Variants in SOX5 observed in about 807,000 individuals in gnomAD.
The protein encoded by SOX5 is transcription factor SOX-5.
A neutral mutation model predicts 92.0 loss-of-function variants in SOX5; 9 were observed. The observed-to-expected ratio is 0.10, with a 90% CI of 0.06 to 0.17. SOX5 has a LOEUF of 0.17. Among genes scored for constraint, SOX5 ranks in the 10% least tolerant of loss-of-function variants. The pLI is 1.00. For missense variants in SOX5, 642 were observed against 944.5 expected, an observed-to-expected ratio of 0.68 and a Z score of 4.20; for synonymous variants, 344 against 336.3, an observed-to-expected ratio of 1.02 and a Z score of -0.25.
intron 2 of SOX5, among the ~76,000 whole-genome samples, chr12:24,319,086 GGT>G (rs1180744852): frequency 6.6e-6 from 1 of 152,176 alleles, no homozygotes; most frequent in African/African-American, 2.4e-5. Context: ...CTGAGGAAGA[GGT>G]GCTCTTCTTC....
chr12:23,652,989 G>A (rs1011092412), intron 7 of SOX5, among the ~76,000 whole-genome samples: 2 of 137,916 alleles, frequency 1.5e-5, no homozygotes, highest in Non-Finnish European at 3.2e-5. Context: ...TATATGGATG[G>A]ATGAATGAAT....
intron 2 of SOX5, among the ~76,000 whole-genome samples, chr12:24,360,637 A>G (rs1031490420): frequency 1.5e-4 from 23 of 152,168 alleles, no homozygotes; most frequent in African/African-American, 5.6e-4. Flanking sequence ...TTCATTTTAC[A>G]TATTGAAAGT....
chr12:23,741,097 ATGAAAATGGCTC>A lies in SOX5; in HGVS notation c.569-70_569-59del, dbSNP rs893085814. 1,511 of 1,363,330 alleles carry A rather than the reference ATGAAAATGGCTC, an allele frequency of 1.1e-3. 4 individuals are homozygous for A. Among genetic ancestry groups the A allele is most frequent in the Non-Finnish European group, 1.4e-3 (1,448 of 1,011,132 alleles). 84.5% of individuals were successfully genotyped at this position (1,363,330 alleles called of 1,614,324 possible). ...TAAATGAAAAAAAGTAATTATTTCAATGAAAATGGCTCTGTTGTATACAGAGCCAGTCCAAAT... is the reference window on the plus strand; with the variant it reads ...TAAATGAAAAAAAGTAATTATTTCAATGTTGTATACAGAGCCAGTCCAAAT... On this transcript the variant is annotated intron_variant, in intron 4 of 14. Coordinates refer to ENST00000451604, the MANE Select transcript of SOX5 (RefSeq NM_006940.6).
At chr12:24,068,831 G>T (rs11047245) in intron 4 of SOX5, among the ~76,000 whole-genome samples, 6,542 of 147,910 alleles carry the variant, frequency 0.044, 154 homozygotes, top group East Asian at 0.078. Flanking sequence ...CAAAAAAGAT[G>T]CAGAAGGGCT....
intron 1 of SOX5, among the ~76,000 whole-genome samples, chr12:24,515,199 G>C (rs1949672253): frequency 6.6e-6 from 1 of 152,132 alleles, no homozygotes; most frequent in Non-Finnish European, 1.5e-5. Flanking sequence ...AGACTGCCTG[G>C]GTTCAAATCT....
At chr12:24,058,792 A>C (rs1939092855) in intron 4 of SOX5, among the ~76,000 whole-genome samples, 1 of 135,324 alleles carries the variant, frequency 7.4e-6, no homozygotes, top group African/African-American at 2.6e-5. Flanking sequence ...CCTGTTAGTA[A>C]GTATATAAAT....
chr12:23,955,609 A>C (rs1291532454), upstream of SOX5, among the ~76,000 whole-genome samples: 1 of 152,156 alleles, frequency 6.6e-6, no homozygotes, highest in Non-Finnish European at 1.5e-5. Context: ...ATGCTTTTCA[A>C]TTTATTTTTT....
intron 4 of SOX5, among the ~76,000 whole-genome samples, chr12:24,160,334 C>T (rs1419021335): frequency 5.3e-5 from 8 of 151,830 alleles, no homozygotes; most frequent in Non-Finnish European, 8.8e-5. Context: ...TCATATTTGC[C>T]GAGCTCCAAG....
chr12:23,661,390 G>A (rs1310594998), intron 7 of SOX5, among the ~76,000 whole-genome samples: 1 of 152,174 alleles, frequency 6.6e-6, no homozygotes, highest in African/African-American at 2.4e-5. Flanking sequence ...AAGAAGCCAT[G>A]TGCTGCAGGA....
intron 7 of SOX5, among the ~76,000 whole-genome samples, chr12:23,660,560 G>A (rs913908996): frequency 1.3e-5 from 2 of 152,088 alleles, no homozygotes; most frequent in African/African-American, 4.8e-5. Flanking sequence ...AAATCATATT[G>A]ACAAAGGAAT....
At chr12:23,637,795 C>T (rs1190612772) in intron 8 of SOX5, among the ~76,000 whole-genome samples, 1 of 152,150 alleles carries the variant, frequency 6.6e-6, no homozygotes, top group Non-Finnish European at 1.5e-5. Flanking sequence ...GGACAGTGTA[C>T]AGCTTGGTGG....
chr12:23,924,167 T>C (rs980428081), intron 1 of SOX5, among the ~76,000 whole-genome samples: 4 of 152,222 alleles, frequency 2.6e-5, no homozygotes, highest in African/African-American at 9.6e-5. Context: ...CTAAGTGATC[T>C]TAAAAATTTA....
At chr12:23,846,341 A>C (rs754325771) in intron 2 of SOX5, 148 bp from the exon 3 acceptor site, 97 of 649,060 alleles carry the variant, frequency 1.5e-4, no homozygotes, top group Non-Finnish European at 2.0e-4. Flanking sequence ...TGGCTTATTC[A>C]GCTGAAAGAT....
chr12:23,558,180 A>G (rs1945560254), intron 11 of SOX5, among the ~76,000 whole-genome samples: 1 of 152,134 alleles, frequency 6.6e-6, no homozygotes, highest in Non-Finnish European at 1.5e-5. Context: ...CCCAGCTAAC[A>G]TTACCTTTGA....
At chr12:24,409,464 T>A (rs2136758343) in intron 1 of SOX5, among the ~76,000 whole-genome samples, 1 of 151,982 alleles carries the variant, frequency 6.6e-6, no homozygotes, top group East Asian at 1.9e-4. Flanking sequence ...TTAGAAAAAA[T>A]AATTTTTTTT....
In SOX5 at chr12:23,936,754, AAAT is replaced by A. The variant is rs200602766; in HGVS notation, c.38+12807_38+12809del. Among the ~76,000 whole-genome samples the A allele has an allele frequency of 8.8e-4, 133 of 151,216 alleles. 1 individual carries two copies. The East Asian group carries it at 0.019, about 22-fold the overall frequency. Reference sequence around the variant, plus strand: ...TTAACAAGTTTTTAAAAAGAGATAAAAATAATGTTAATATAGATTTTATTTGTG... The same window carrying A: ...TTAACAAGTTTTTAAAAAGAGATAAAAATGTTAATATAGATTTTATTTGTG... On this transcript the variant is annotated intron_variant, in intron 1 of 14. Transcript: ENST00000451604.
chr12:24,143,832 G>A (rs1365043495), intron 4 of SOX5, among the ~76,000 whole-genome samples: 2 of 150,958 alleles, frequency 1.3e-5, no homozygotes, highest in African/African-American at 2.4e-5. Flanking sequence ...GAAAGAAAGA[G>A]GAGGAGGAAG....
intron 8 of SOX5, among the ~76,000 whole-genome samples, chr12:23,619,895 GA>G (rs540630913): frequency 6.6e-6 from 1 of 151,928 alleles, no homozygotes; most frequent in African/African-American, 2.4e-5. Flanking sequence ...TTTATTCATG[GA>G]AAAAAATTAT....
chr12:24,160,383 G>A (rs758673786), intron 4 of SOX5, among the ~76,000 whole-genome samples: 15 of 151,988 alleles, frequency 9.9e-5, no homozygotes, highest in Non-Finnish European at 2.1e-4. Flanking sequence ...GTGACCAGGA[G>A]GATAGGGGAG....
Sources: gnomAD v4.1 joint callset for allele counts (sites outside exome capture counted in the v4.1 genomes callset) on GRCh38, gnomAD v4.1.1 for gene constraint, MANE v1.5 for transcripts, NCBI Gene and HGNC (gene_info 2026-07-23, HGNC 2026-07-21) for gene names.